The following KLF13 variants were observed in gnomAD, a reference collection of about 807,000 sequenced individuals.
KLF13 encodes the protein KLF transcription factor 13, also known as Krueppel-like factor 13.
Under a neutral mutation model 16.7 loss-of-function variants are expected in KLF13, and 8 were observed. The ratio of observed to expected loss-of-function variants is 0.48; its 90% confidence interval spans 0.28 to 0.87. KLF13 has a LOEUF of 0.87. Among genes scored for constraint, KLF13 ranks in the 40% least tolerant of loss-of-function variants. The probability of loss-of-function intolerance (pLI) is 0.10; values close to 1 mark genes in which losing one functional copy is unlikely to be tolerated. For synonymous variants in KLF13, 245 were observed against 208.4 expected (o/e 1.18, Z -1.51); for missense variants, 447 against 452.2 (o/e 0.99, Z 0.10).
At chr15:31,419,118 C>A (rs1247173659) in intron 1 of KLF13, among the ~76,000 whole-genome samples, 1 of 152,044 alleles carries the variant, frequency 6.6e-6, no homozygotes, top group Admixed American at 6.5e-5. Context: ...GTGCATCCCC[C>A]CAGAAAAGGC....
intron 1 of KLF13, among the ~76,000 whole-genome samples, chr15:31,348,812 C>T (rs1033454143): frequency 1.3e-5 from 2 of 152,174 alleles, no homozygotes; most frequent in African/African-American, 4.8e-5. Context: ...GTTCTGGAGG[C>T]TGGAAGTCCA....
chr15:31,412,456 G>A (rs1198015578), intron 1 of KLF13, among the ~76,000 whole-genome samples: 2 of 150,620 alleles, frequency 1.3e-5, no homozygotes, highest in Non-Finnish European at 3.0e-5. Context: ...ATGCGGAAAA[G>A]TCCAAAAAAA....
intron 1 of KLF13, among the ~76,000 whole-genome samples, chr15:31,371,277 C>T (rs532264283): frequency 1.3e-5 from 2 of 152,196 alleles, no homozygotes; most frequent in African/African-American, 4.8e-5. Context: ...TCATTACCTC[C>T]CACCCCACTG....
At chr15:31,346,602 G>A (rs1254235930) in intron 1 of KLF13, among the ~76,000 whole-genome samples, 3 of 152,184 alleles carry the variant, frequency 2.0e-5, no homozygotes, top group East Asian at 1.9e-4. Context: ...GACATGAGGC[G>A]TCCCCTCCTT....
chr15:31,431,715 C>G (rs920655099), intron 1 of KLF13, among the ~76,000 whole-genome samples: 2 of 152,216 alleles, frequency 1.3e-5, no homozygotes, highest in South Asian at 2.1e-4. Context: ...CCTCCCGCCT[C>G]GGCCTCCCAA....
chr15:31,328,819 G>T (rs931307462), intron 1 of KLF13, among the ~76,000 whole-genome samples: 2 of 152,176 alleles, frequency 1.3e-5, no homozygotes, highest in African/African-American at 4.8e-5. Flanking sequence ...TTGGTGTAAA[G>T]AATTGTATGC....
At position 31,327,809 on chromosome 15, in the gene KLF13, C is replaced by CAGGTGCGGGCG. The variant is rs1323785259; in HGVS notation, c.577+20_577+21insAGGTGCGGGCG. The CAGGTGCGGGCG allele has an allele frequency of 1.4e-6, 2 of 1,449,088 alleles. No individual in the cohort carries two copies. Among genetic ancestry groups the CAGGTGCGGGCG allele is most frequent in the East Asian group, 2.9e-5 (1 of 34,410 alleles). 89.8% of individuals were successfully genotyped at this position (1,449,088 alleles called of 1,614,324 possible). A position where few individuals can be genotyped will look rare whatever the true frequency, so the allele number is the denominator to read the frequency against. On this transcript the variant is annotated intron_variant, in intron 1 of 1. Transcript: ENST00000307145. Reference sequence around the variant, plus strand: ...ACACAGGTCAGTGGGGCGGCGCGGGCGCCCGGATCGCGCGGACGGGGTCGG... The same window carrying CAGGTGCGGGCG: ...ACACAGGTCAGTGGGGCGGCGCGGGCAGGTGCGGGCGGCCCGGATCGCGCGGACGGGGTCGG...
intron 1 of KLF13, among the ~76,000 whole-genome samples, chr15:31,412,395 G>A (rs548776548): frequency 5.3e-5 from 8 of 151,736 alleles, no homozygotes; most frequent in African/African-American, 7.2e-5. Context: ...ATAAAATATC[G>A]TAGTTTGTAA....
chr15:31,410,151 T>A (rs572090492), intron 1 of KLF13, among the ~76,000 whole-genome samples: 1 of 152,098 alleles, frequency 6.6e-6, no homozygotes, highest in South Asian at 2.1e-4. Context: ...TTATACTACA[T>A]GTGAAATGGA....
At chr15:31,394,435 C>A (rs569341787) in intron 2 of KLF13, among the ~76,000 whole-genome samples, 1 of 150,906 alleles carries the variant, frequency 6.6e-6, no homozygotes, top group Admixed American at 6.6e-5. Flanking sequence ...TGCAGTGAGC[C>A]CAGATTGGGC....
At chr15:31,414,919 C>T (rs964521518) in intron 1 of KLF13, among the ~76,000 whole-genome samples, 6 of 152,114 alleles carry the variant, frequency 3.9e-5, no homozygotes, top group African/African-American at 1.4e-4. Flanking sequence ...AAATTTGATC[C>T]ACAATGTTGG....
At chr15:31,396,034 CT>C (rs767641181) in intron 2 of KLF13, among the ~76,000 whole-genome samples, 3 of 151,814 alleles carry the variant, frequency 2.0e-5, no homozygotes, top group Non-Finnish European at 4.4e-5. Context: ...TTCTTTCTTT[CT>C]TTTTTTTGAG....
chr15:31,345,105 T>C (rs540401327), intron 1 of KLF13, among the ~76,000 whole-genome samples: 1 of 152,278 alleles, frequency 6.6e-6, no homozygotes, highest in African/African-American at 2.4e-5. Flanking sequence ...GGGTTGGGTC[T>C]GGGTTCCATA....
intron 1 of KLF13, among the ~76,000 whole-genome samples, chr15:31,328,517 T>C (rs557713599): frequency 1.3e-5 from 2 of 151,768 alleles, no homozygotes; most frequent in African/African-American, 2.4e-5. Flanking sequence ...GCCTCGAGGC[T>C]CTCTCCGGAA....
Position 31,327,307 on chromosome 15 carries a change from A to T in KLF13, c.95A>T (p.Glu32Val). Residue 32 changes from glutamate to valine, a missense_variant, in exon 1 of 2, where the codon GAG becomes GTG. Transcript: ENST00000307145. ...AVVHGPREGP[E>V]SRPEGAAVAA... ...GTGCACGGGCCGCGGGAGGGGCCGG[A>T]GTCCCGGCCCGAGGGCGCGGCCGTG... The T allele has an allele frequency of 7.8e-7, 1 of 1,290,244 alleles. No homozygotes were observed. The highest frequency in any genetic ancestry group is 9.8e-7 in the Non-Finnish European group (1 of 1,023,058). 79.9% of individuals were successfully genotyped at this position (1,290,244 alleles called of 1,614,324 possible). A position where few individuals can be genotyped will look rare whatever the true frequency, so the allele number is the denominator to read the frequency against.
intron 1 of KLF13, among the ~76,000 whole-genome samples, chr15:31,423,191 A>G (rs1347789410): frequency 1.4e-5 from 2 of 140,082 alleles, no homozygotes; most frequent in Admixed American, 7.3e-5. Flanking sequence ...ATACGTATAT[A>G]TATATATCAG....
At chr15:31,333,005 T>A (rs2038859295) in intron 1 of KLF13, among the ~76,000 whole-genome samples, 1 of 152,142 alleles carries the variant, frequency 6.6e-6, no homozygotes, top group African/African-American at 2.4e-5. Context: ...CACTGTGAAG[T>A]GTGTTCAGTT....
At chr15:31,356,546 C>T (rs1396663721) in intron 1 of KLF13, among the ~76,000 whole-genome samples, 3 of 152,180 alleles carry the variant, frequency 2.0e-5, no homozygotes, top group Non-Finnish European at 2.9e-5. Context: ...AGCGAGACTC[C>T]GTCTCAAAAA....
At chr15:31,405,122 T>G (rs990066760), downstream of KLF13, among the ~76,000 whole-genome samples, 1 of 152,160 alleles carries the variant, frequency 6.6e-6, no homozygotes, top group Non-Finnish European at 1.5e-5. Flanking sequence ...GACTAGGTCA[T>G]GCGAGCAGAG....
Sources: gnomAD v4.1 joint callset for allele counts (sites outside exome capture counted in the v4.1 genomes callset) on GRCh38, gnomAD v4.1.1 for gene constraint, MANE v1.5 for transcripts, NCBI Gene and HGNC (gene_info 2026-07-23, HGNC 2026-07-21) for gene names.